Variants in ACOXL observed in about 807,000 individuals in gnomAD.
The protein encoded by ACOXL is acyl-coenzyme A oxidase-like protein.
Under a neutral mutation model 71.9 loss-of-function variants are expected in ACOXL, and 70 were observed. The observed-to-expected ratio is 0.97, with a 90% CI of 0.80 to 1.19. ACOXL has a LOEUF of 1.19. ACOXL is among the 50% of genes most tolerant of loss of function. ACOXL has a pLI of 0.00. For synonymous variants in ACOXL, 253 were observed against 281.6 expected (o/e 0.90, Z 1.02); for missense variants, 703 against 736.3 (o/e 0.95, Z 0.52).
chr2:111,010,647 G>A (rs1367017888), intron 14 of ACOXL, among the ~76,000 whole-genome samples: 3 of 152,204 alleles, frequency 2.0e-5, no homozygotes, highest in East Asian at 1.9e-4. Flanking sequence ...GCCCATCATA[G>A]TATAATTGCT....
intron 12 of ACOXL, among the ~76,000 whole-genome samples, chr2:110,957,939 T>C (rs2061560373): frequency 6.7e-6 from 1 of 149,884 alleles, no homozygotes; most frequent in Admixed American, 6.7e-5. Flanking sequence ...GCGACTGTAA[T>C]CCCAGCTTAC....
chr2:110,757,325 T>A (rs1207978596), intron 1 of ACOXL, among the ~76,000 whole-genome samples: 1 of 152,216 alleles, frequency 6.6e-6, no homozygotes, highest in African/African-American at 2.4e-5. Context: ...GTTGATTCCA[T>A]GTCTTTGCTA....
At chr2:111,111,014 T>C (rs1052844526) in intron 17 of ACOXL, among the ~76,000 whole-genome samples, 1 of 150,950 alleles carries the variant, frequency 6.6e-6, no homozygotes, top group Non-Finnish European at 1.5e-5. Context: ...TGACTGAAGA[T>C]TATTCCTTCT....
intron 12 of ACOXL, among the ~76,000 whole-genome samples, chr2:110,966,757 AG>A (rs1421935533): frequency 6.6e-6 from 1 of 152,166 alleles, no homozygotes; most frequent in African/African-American, 2.4e-5. Flanking sequence ...TGGTGGGAAA[AG>A]GGGGTAGTTG....
At chr2:111,031,809 A>T in intron 15 of ACOXL, 95 bp downstream of exon 15, 1 of 1,258,858 alleles carries the variant, frequency 7.9e-7, no homozygotes, top group South Asian at 1.2e-5. Flanking sequence ...CAGTCCCAAC[A>T]CACAGGGAAG....
intron 10 of ACOXL, among the ~76,000 whole-genome samples, chr2:110,852,491 C>G (rs1692737801): frequency 6.6e-6 from 1 of 152,228 alleles, no homozygotes; most frequent in Non-Finnish European, 1.5e-5. Context: ...CTCTGTTAAA[C>G]TAGCCACAGA....
intron 10 of ACOXL, among the ~76,000 whole-genome samples, chr2:110,886,130 C>T (rs1419235357): frequency 2.0e-5 from 3 of 152,140 alleles, no homozygotes; most frequent in East Asian, 1.9e-4. Context: ...TGGATATGTG[C>T]GTGTGCACAC....
intron 17 of ACOXL, 88 bp from the exon 18 acceptor site, chr2:111,117,528 C>A: frequency 7.3e-7 from 1 of 1,363,972 alleles, no homozygotes; most frequent in Non-Finnish European, 1.0e-6. Context: ...GCTGTGTGTG[C>A]GGGTGCTTGG....
chr2:110,858,773 C>T (rs557230512), intron 10 of ACOXL, among the ~76,000 whole-genome samples: 17 of 152,214 alleles, frequency 1.1e-4, no homozygotes, highest in Non-Finnish European at 2.1e-4. Context: ...TTTAAAATAT[C>T]ACGGTGCCAG....
At chr2:111,085,662 A>G (rs2068169880) in intron 16 of ACOXL, among the ~76,000 whole-genome samples, 1 of 152,122 alleles carries the variant, frequency 6.6e-6, no homozygotes, top group South Asian at 2.1e-4. Flanking sequence ...CATTACAACT[A>G]GAGGAACTAA....
intron 9 of ACOXL, among the ~76,000 whole-genome samples, chr2:110,831,143 A>C (rs1689779303): frequency 6.6e-6 from 1 of 152,178 alleles, no homozygotes; most frequent in African/African-American, 2.4e-5. Flanking sequence ...CAGGGAAATA[A>C]GGCAAGGAAA....
Position 111,081,594 on chromosome 2 carries a change from G to A in ACOXL, c.1441-11271G>A, listed in dbSNP as rs949578951. 3.3e-5 allele frequency among the ~76,000 whole-genome samples: 5 copies of A among 152,222 alleles called. 1 individual carries two copies. Among genetic ancestry groups the A allele is most frequent in the Admixed American group, 3.3e-4 (5 of 15,294 alleles). On this transcript the variant is annotated intron_variant, in intron 16 of 17. Transcript: ENST00000439055. ...TCAATATCATGAAAATGGCCATACT[G>A]CCTGAAGTAATTTATAGATTCAATG... is the stretch of plus-strand genomic sequence containing the variant.
chr2:110,826,762 T>C (rs956311585), intron 9 of ACOXL, among the ~76,000 whole-genome samples: 14 of 145,288 alleles, frequency 9.6e-5, no homozygotes, highest in Admixed American at 2.0e-4. Context: ...CTTTTTTTTT[T>C]TTTTTCCTTT....
chr2:110,784,384 C>A (rs1683695807), intron 2 of ACOXL, among the ~76,000 whole-genome samples: 1 of 152,140 alleles, frequency 6.6e-6, no homozygotes. Flanking sequence ...GGGGTGCCGG[C>A]CTGTAAAGTG....
chr2:110,966,487 A>G (rs891414048), intron 12 of ACOXL, among the ~76,000 whole-genome samples: 2 of 152,194 alleles, frequency 1.3e-5, no homozygotes, highest in African/African-American at 2.4e-5. Context: ...CTGAAGCTCT[A>G]TACCCACAAG....
intron 11 of ACOXL, among the ~76,000 whole-genome samples, chr2:110,926,046 A>G (rs2060256954): frequency 6.6e-6 from 1 of 152,136 alleles, no homozygotes; most frequent in Non-Finnish European, 1.5e-5. Flanking sequence ...TGGAGCAGTC[A>G]GAACACACAC....
At chr2:110,835,195 T>A (rs1402006795) in intron 9 of ACOXL, among the ~76,000 whole-genome samples, 1 of 152,218 alleles carries the variant, frequency 6.6e-6, no homozygotes, top group African/African-American at 2.4e-5. Context: ...GGAAAGAGCC[T>A]ACATATTATA....
At position 110,732,574 on chromosome 2, in the gene ACOXL, C is replaced by G. The variant is rs1676299181; in HGVS notation, c.-223C>G. On this transcript the variant is annotated 5_prime_UTR_variant, in exon 1 of 18. Coordinates refer to ENST00000439055, the MANE Select transcript of ACOXL (RefSeq NM_001142807.4). Reference sequence around the variant, plus strand: ...GAGAGGGCGTGCGCCTGGGGCCTCACCTGCTGGGAGCTGGAGGAGGCGCGG... The same window carrying G: ...GAGAGGGCGTGCGCCTGGGGCCTCAGCTGCTGGGAGCTGGAGGAGGCGCGG... 1 of 152,890 alleles carries G rather than the reference C, an allele frequency of 6.5e-6. No homozygotes were observed. The highest frequency in any genetic ancestry group is 1.5e-5 in the Non-Finnish European group (1 of 68,452). 9.5% of individuals were successfully genotyped at this position (152,890 alleles called of 1,614,324 possible).
At position 110,995,877 on chromosome 2, in the gene ACOXL, C is replaced by T. The variant is rs564141111; in HGVS notation, c.1170-16C>T. The T allele has an allele frequency of 3.1e-5, 49 of 1,597,200 alleles. No homozygotes were observed. The highest frequency in any genetic ancestry group is 9.9e-5 in the South Asian group (9 of 90,738). On this transcript the variant is annotated splice_polypyrimidine_tract_variant and intron_variant, in intron 13 of 17. Coordinates refer to ENST00000439055, the MANE Select transcript of ACOXL (RefSeq NM_001142807.4). ...AGGCCAAAATAATAATGATGGTCAC[C>T]GTGATTTTCTTTCAGTTTCCTGGCA...
Sources: gnomAD v4.1 joint callset for allele counts (sites outside exome capture counted in the v4.1 genomes callset) on GRCh38, gnomAD v4.1.1 for gene constraint, MANE v1.5 for transcripts, NCBI Gene and HGNC (gene_info 2026-07-23, HGNC 2026-07-21) for gene names.